The following MAEA variants were observed in gnomAD, a reference collection of about 807,000 sequenced individuals.
The protein encoded by MAEA is E3 ubiquitin-protein transferase MAEA.
MAEA carries 22 observed loss-of-function variants against 46.2 expected under a neutral mutation model. The ratio of observed to expected loss-of-function variants is 0.48; its 90% CI spans 0.34 to 0.68. The LOEUF (loss-of-function observed/expected upper bound fraction) is 0.68. MAEA is among the 30% of genes least tolerant of loss of function. The pLI is 0.01. For synonymous variants in MAEA, 246 were observed against 222.6 expected, an observed-to-expected ratio of 1.11 and a Z score of -0.94; for missense variants, 393 against 558.1, an observed-to-expected ratio of 0.70 and a Z score of 2.98.
rs145642772 is a variant in MAEA, at chr4:1,338,504, C to T, written c.982C>T (p.Leu328=). 2,987 of 1,613,338 alleles carry T rather than the reference C, an allele frequency of 1.9e-3. 8 individuals carry two copies. Among genetic ancestry groups the T allele is most frequent in the Non-Finnish European group, 2.4e-3 (2,838 of 1,180,008 alleles). Residue 328 remains leucine (L), a synonymous_variant, in exon 8 of 9, where the codon CTG becomes TTG. Coordinates refer to ENST00000303400, the MANE Select transcript of MAEA (RefSeq NM_001017405.3). ...CTCCCTGAACAAGCTGGCGCAGCCC[C>T]TGCCCATGGCCCACTGTGCCAACTC... is the stretch of plus-strand genomic sequence containing the variant. ...SRSLNKLAQP[L]PMAHCANSRL...
At chr4:1,297,977 C>G (rs764313559) in intron 1 of MAEA, 3 of 456,102 alleles carry the variant, frequency 6.6e-6, no homozygotes, top group African/African-American at 6.0e-5. Context: ...ATGGAAACCC[C>G]GCTGTGCAAG....
chr4:1,305,720 T>C (rs1043924627), intron 1 of MAEA, among the ~76,000 whole-genome samples: 1 of 151,970 alleles, frequency 6.6e-6, no homozygotes, highest in Non-Finnish European at 1.5e-5. Context: ...CCCACATGTG[T>C]GTGTGCGCAC....
At chr4:1,300,540 G>C (rs1427128983) in intron 1 of MAEA, among the ~76,000 whole-genome samples, 1 of 152,256 alleles carries the variant, frequency 6.6e-6, no homozygotes, top group Non-Finnish European at 1.5e-5. Context: ...GAGTGACCTG[G>C]GGATGAGGGC....
At chr4:1,317,052 A>G (rs1195441131) in intron 3 of MAEA, among the ~76,000 whole-genome samples, 6 of 71,006 alleles carry the variant, frequency 8.4e-5, no homozygotes, top group Admixed American at 1.7e-4. Flanking sequence ...CCGGTCCCAC[A>G]CTCCAGACTC....
intron 1 of MAEA, chr4:1,309,640 C>T (rs1373304767): frequency 1.2e-5 from 19 of 1,529,548 alleles, no homozygotes; most frequent in Non-Finnish European, 1.5e-5. Flanking sequence ...GAGGAGTAAG[C>T]GGCTGGATGT....
At chr4:1,320,944 C>A (rs1324007704) in intron 3 of MAEA, among the ~76,000 whole-genome samples, 1 of 152,178 alleles carries the variant, frequency 6.6e-6, no homozygotes, top group Non-Finnish European at 1.5e-5. Flanking sequence ...ACTAAAAATA[C>A]AAAAATTTAG....
rs1192220420 is a variant in MAEA at position 1,338,609 on chromosome 4, G to A, written c.1087G>A (p.Gly363Ser). Reference sequence around the variant, plus strand: ...GATGCTGCCCAACGGCTACGTCTACGGCTACAATGTGAGGGGGGCAGGGCA... The same window carrying A: ...GATGCTGCCCAACGGCTACGTCTACAGCTACAATGTGAGGGGGGCAGGGCA... ...PMMLPNGYVY[G>S]YNSLLSIRQD... The change falls in exon 8 of 9, where the codon GGC becomes AGC. Residue 363 changes from glycine to serine, a missense_variant. By Grantham distance (56) the Gly-to-Ser change is moderately conservative. This residue lies in a region of MAEA where 358 missense variants were observed against 537.9 expected (regional missense o/e 0.67). Transcript: ENST00000303400. The A allele has an allele frequency of 3.1e-6, 5 of 1,606,816 alleles. No homozygotes were observed. Among genetic ancestry groups the A allele is most frequent in the African/African-American group, 1.3e-5 (1 of 74,788 alleles).
intron 1 of MAEA, among the ~76,000 whole-genome samples, chr4:1,307,630 G>A (rs754834957): frequency 2.0e-5 from 3 of 152,194 alleles, no homozygotes; most frequent in Non-Finnish European, 4.4e-5. Context: ...GCTGAGTCCC[G>A]CAGCAGACCT....
chr4:1,326,533 A>G (rs897395036), intron 4 of MAEA, among the ~76,000 whole-genome samples: 2 of 152,110 alleles, frequency 1.3e-5, no homozygotes, highest in African/African-American at 4.8e-5. Context: ...GGTTGCTGAG[A>G]TTTCAGATTG....
intron 3 of MAEA, 130 bp from the exon 4 acceptor site, chr4:1,322,251 G>C (rs1738223625): frequency 7.8e-7 from 1 of 1,276,452 alleles, no homozygotes; most frequent in Admixed American, 2.0e-5. Flanking sequence ...CAGACCCACA[G>C]TGTGGACTGG....
At chr4:1,291,920 T>C (rs1290563467) in intron 1 of MAEA, among the ~76,000 whole-genome samples, 1 of 152,232 alleles carries the variant, frequency 6.6e-6, no homozygotes, top group Non-Finnish European at 1.5e-5. Flanking sequence ...GAGTTAAAAC[T>C]TTTTTTCATA....
intron 6 of MAEA, among the ~76,000 whole-genome samples, chr4:1,333,482 C>T (rs773129355): frequency 1.1e-4 from 16 of 152,242 alleles, no homozygotes; most frequent in South Asian, 6.2e-4. Context: ...CACCGTCTTC[C>T]GTGGTTCTTT....
intron 5 of MAEA, chr4:1,328,772 C>T (rs1391142786): frequency 2.6e-6 from 3 of 1,133,406 alleles, no homozygotes; most frequent in South Asian, 1.8e-5. Context: ...TGGAGAGGCC[C>T]GGGGTCCTGC....
intron 3 of MAEA, among the ~76,000 whole-genome samples, chr4:1,316,765 G>A (rs1308301565): frequency 6.6e-6 from 1 of 152,088 alleles, no homozygotes; most frequent in Non-Finnish European, 1.5e-5. Flanking sequence ...CAGCCTTGGA[G>A]GCGGCCTCAC....
rs776951827 is a variant in MAEA at position 1,315,584 on chromosome 4, G to A, written c.440G>A (p.Arg147His). ...GYYNTAVKLA[R>H]QSGIEDLVNI... ...TACAACACGGCTGTCAAGCTGGCGC[G>A]CCAGAGCGGCATCGAGGTGGGTGCC... The change falls in exon 3 of 9, where the codon CGC (arginine) becomes CAC (histidine). Residue 147 changes from arginine (R) to histidine (H), a missense_variant. Physicochemically the swap from Arg to His is conservative, Grantham distance 29. This residue lies in a region of MAEA where 358 missense variants were observed against 537.9 expected (regional missense o/e 0.67). Coordinates refer to ENST00000303400, the MANE Select transcript of MAEA (RefSeq NM_001017405.3). The A allele has an allele frequency of 1.3e-5, 21 of 1,613,074 alleles. No individual in the cohort carries two copies. The highest frequency in any genetic ancestry group is 4.4e-5 in the South Asian group (4 of 91,070).
intron 4 of MAEA, among the ~76,000 whole-genome samples, chr4:1,326,775 G>A (rs578122847): frequency 1.9e-3 from 286 of 152,312 alleles, no homozygotes; most frequent in Non-Finnish European, 3.5e-3. Context: ...CCTGGGCCAG[G>A]CCTCCATTCC....
chr4:1,326,452 T>G (rs1577215315), intron 4 of MAEA, among the ~76,000 whole-genome samples: 1 of 152,198 alleles, frequency 6.6e-6, no homozygotes, highest in Non-Finnish European at 1.5e-5. Context: ...CCGCGTCTCA[T>G]CTTGGATGAC....
At chr4:1,323,463 T>C (rs917328974) in intron 4 of MAEA, 2 of 702,346 alleles carry the variant, frequency 2.8e-6, no homozygotes, top group African/African-American at 1.7e-5. Context: ...GTGCACGCAG[T>C]TACCAGCCAG....
chr4:1,295,235 G>C (rs1166536361), intron 1 of MAEA, among the ~76,000 whole-genome samples: 1 of 152,132 alleles, frequency 6.6e-6, no homozygotes, highest in Non-Finnish European at 1.5e-5. Context: ...TGCTGACCCA[G>C]GCATCGCAAA....
Sources: allele counts gnomAD v4.1 joint callset (sites outside exome capture counted in the v4.1 genomes callset), GRCh38; gene constraint gnomAD v4.1.1; regional missense constraint gnomAD v4.1.1; transcripts MANE v1.5; gene names NCBI Gene and HGNC (gene_info 2026-07-23, HGNC 2026-07-21).